PDZD8: variants seen among roughly 807,000 people sequenced by gnomAD.
PDZD8 encodes the protein PDZ domain-containing protein 8.
PDZD8 carries 14 observed loss-of-function variants against 85.8 expected under a neutral mutation model. The ratio of observed to expected loss-of-function variants is 0.16; its 90% CI spans 0.11 to 0.26. The LOEUF is 0.26. PDZD8 is among the 10% of genes least tolerant of loss of function. PDZD8 has a pLI of 1.00. For missense variants in PDZD8, 1,197 were observed against 1,424.3 expected (o/e 0.84, Z 2.57); for synonymous variants, 592 against 568.6 (o/e 1.04, Z -0.59).
At position 117,350,252 on chromosome 10, in the gene PDZD8, TTTTG is replaced by T. The variant is rs1256646102; in HGVS notation, c.873-9154_873-9151del. Among the ~76,000 whole-genome samples the T allele has an allele frequency of 6.0e-4, 77 of 128,254 alleles. 2 individuals are homozygous for T. The highest frequency in any genetic ancestry group is 1.8e-3 in the African/African-American group (64 of 35,128). 84.1% of individuals were successfully genotyped at this position (128,254 alleles called of 152,430 possible). On this transcript the variant is annotated intron_variant, in intron 1 of 4. Coordinates refer to ENST00000334464, the MANE Select transcript of PDZD8 (RefSeq NM_173791.5). ...GTAGTCTAGCTCCAGAATCTGTTTT[TTTTG>T]TTTGTTTGTTTCTTTTTTTTTTTTT...
intron 2 of PDZD8, 88 bp from the exon 3 acceptor site, chr10:117,319,062 A>C (rs1844180633): frequency 1.2e-6 from 1 of 842,836 alleles, no homozygotes; most frequent in Admixed American, 2.3e-5. Context: ...AAGAAACAAC[A>C]CATTACTCCA....
chr10:117,278,824 C>T lies in PDZD8; in HGVS notation c.*4444G>A, dbSNP rs781316778. Reference sequence around the variant, plus strand: ...GTTTGAAGCAAACGAACTTCCAACTCACTTATTTGGCATTGGGCAACTTGG... The same window carrying T: ...GTTTGAAGCAAACGAACTTCCAACTTACTTATTTGGCATTGGGCAACTTGG... On this transcript the variant is annotated 3_prime_UTR_variant, in exon 5 of 5. Coordinates refer to ENST00000334464, the MANE Select transcript of PDZD8 (RefSeq NM_173791.5). 2.0e-5 allele frequency: 3 copies of T among 152,188 alleles called. No individual in the cohort carries two copies. The highest frequency in any genetic ancestry group is 2.9e-5 in the Non-Finnish European group (2 of 68,050). 9.4% of individuals were successfully genotyped at this position (152,188 alleles called of 1,614,324 possible). A position where few individuals can be genotyped will look rare whatever the true frequency, so the allele number is the denominator to read the frequency against.
rs1157666453 is a variant in PDZD8 at position 117,282,079 on chromosome 10, A to C, written c.*1189T>G. ...AGAGAACTGGTCCCAATTCCTATGT[A>C]TGAATACTATTTTTGTCATTCTTTT... is the stretch of plus-strand genomic sequence containing the variant. On this transcript the variant is annotated 3_prime_UTR_variant, in exon 5 of 5. Coordinates refer to ENST00000334464, the MANE Select transcript of PDZD8 (RefSeq NM_173791.5). 1 of 152,180 alleles carries C rather than the reference A, an allele frequency of 6.6e-6. No individual in the cohort carries two copies. Among genetic ancestry groups the C allele is most frequent in the African/African-American group, 2.4e-5 (1 of 41,430 alleles). 9.4% of individuals were successfully genotyped at this position (152,180 alleles called of 1,614,324 possible). A position where few individuals can be genotyped will look rare whatever the true frequency, so the allele number is the denominator to read the frequency against.
intron 3 of PDZD8, among the ~76,000 whole-genome samples, chr10:117,301,661 A>G (rs1300140792): frequency 2.6e-5 from 4 of 152,228 alleles, no homozygotes; most frequent in South Asian, 4.1e-4. Flanking sequence ...AGGGACTACC[A>G]GCTTACTGTC....
chr10:117,315,723 G>GT (rs1227587633), intron 3 of PDZD8, among the ~76,000 whole-genome samples: 2 of 151,716 alleles, frequency 1.3e-5, no homozygotes. Flanking sequence ...TTCAAACAAT[G>GT]TGTGCTACTG....
chr10:117,325,403 A>ATTTTTTTTTTTT (rs1564700233), intron 2 of PDZD8, among the ~76,000 whole-genome samples: 2 of 20,020 alleles, frequency 1.0e-4, no homozygotes, highest in African/African-American at 1.3e-4. Flanking sequence ...AGAAAAGCCA[A>ATTTTTTTTTTTT]CTTTTTTTTT....
At chr10:117,309,037 T>C (rs942708873) in intron 3 of PDZD8, among the ~76,000 whole-genome samples, 2 of 152,152 alleles carry the variant, frequency 1.3e-5, no homozygotes, top group East Asian at 1.9e-4. Flanking sequence ...CATCCGTGTA[T>C]GGCTCAGAAA....
chr10:117,331,563 A>G (rs1466870499), intron 2 of PDZD8, among the ~76,000 whole-genome samples: 1 of 152,214 alleles, frequency 6.6e-6, no homozygotes, highest in Non-Finnish European at 1.5e-5. Context: ...ACTGATTATC[A>G]AAGACACAAT....
At chr10:117,299,566 T>C (rs1446945624) in intron 3 of PDZD8, among the ~76,000 whole-genome samples, 2 of 152,184 alleles carry the variant, frequency 1.3e-5, no homozygotes, top group Admixed American at 1.3e-4. Flanking sequence ...AGCCTTGTCT[T>C]CCAGCTCTGA....
intron 3 of PDZD8, chr10:117,314,176 TCTTAG>T (rs1408702922): frequency 2.0e-5 from 3 of 152,198 alleles, no homozygotes; most frequent in Non-Finnish European, 4.4e-5. Flanking sequence ...TGGCAGTAGT[TCTTAG>T]AATATAGGTA....
intron 1 of PDZD8, among the ~76,000 whole-genome samples, chr10:117,348,932 C>T (rs879351478): frequency 6.6e-6 from 1 of 152,192 alleles, no homozygotes; most frequent in Non-Finnish European, 1.5e-5. Flanking sequence ...AAAGGAGGCT[C>T]ATGGTTTTAC....
intron 3 of PDZD8, among the ~76,000 whole-genome samples, chr10:117,316,867 C>G (rs1010268724): frequency 6.6e-6 from 1 of 152,292 alleles, no homozygotes; most frequent in South Asian, 2.1e-4. Flanking sequence ...GGACTCACTT[C>G]TGGCCAATGA....
chr10:117,306,478 T>C (rs1843945889), intron 3 of PDZD8, among the ~76,000 whole-genome samples: 1 of 151,978 alleles, frequency 6.6e-6, no homozygotes, highest in African/African-American at 2.4e-5. Flanking sequence ...AAGGCCGAGG[T>C]TGTCAGGTGA....
At chr10:117,286,526 G>C (rs1223435924) in intron 4 of PDZD8, among the ~76,000 whole-genome samples, 2 of 152,218 alleles carry the variant, frequency 1.3e-5, no homozygotes, top group Admixed American at 1.3e-4. Context: ...TACTTCAGCT[G>C]TCTGGGAAGA....
intron 3 of PDZD8, among the ~76,000 whole-genome samples, chr10:117,316,937 AC>A (rs1423567518): frequency 1.3e-5 from 2 of 152,192 alleles, no homozygotes; most frequent in African/African-American, 4.8e-5. Flanking sequence ...GACATGGCTG[AC>A]ATGTGCTTTT....
chr10:117,362,874 AG>A (rs1845021413), intron 1 of PDZD8, among the ~76,000 whole-genome samples: 1 of 141,270 alleles, frequency 7.1e-6, no homozygotes, highest in Non-Finnish European at 1.5e-5. Flanking sequence ...AGTAAACAAA[AG>A]GACACATATT....
At chr10:117,327,253 C>T (rs1281082190) in intron 2 of PDZD8, among the ~76,000 whole-genome samples, 1 of 152,104 alleles carries the variant, frequency 6.6e-6, no homozygotes, top group Non-Finnish European at 1.5e-5. Context: ...CCTAGGGGTA[C>T]TAAAGGATCT....
At chr10:117,341,186 A>G in intron 1 of PDZD8, 84 bp from the exon 2 acceptor site, 1 of 1,436,366 alleles carries the variant, frequency 7.0e-7, no homozygotes, top group Non-Finnish European at 9.6e-7. Flanking sequence ...GTACAAAAAC[A>G]CAAAGCAAAA....
chr10:117,356,739 T>C (rs1473585694), intron 1 of PDZD8, among the ~76,000 whole-genome samples: 2 of 152,060 alleles, frequency 1.3e-5, no homozygotes, highest in Non-Finnish European at 2.9e-5. Context: ...AAGTAATCAA[T>C]GAAAAACAAA....
Sources: gnomAD v4.1 joint callset for allele counts (sites outside exome capture counted in the v4.1 genomes callset) on GRCh38, gnomAD v4.1.1 for gene constraint, MANE v1.5 for transcripts, NCBI Gene and HGNC (gene_info 2026-07-23, HGNC 2026-07-21) for gene names.